The following PPP2R2B variants were observed in gnomAD, a reference collection of about 807,000 sequenced individuals.
PPP2R2B encodes the protein serine/threonine-protein phosphatase 2A 55 kDa regulatory subunit B beta isoform.
In PPP2R2B, 5 loss-of-function variants were observed where a neutral mutation model predicts 46.0. The ratio of observed to expected loss-of-function variants is 0.11; its 90% CI spans 0.06 to 0.23. The LOEUF is 0.23. PPP2R2B is among the 10% of genes least tolerant of loss of function. The pLI is 1.00. For synonymous variants in PPP2R2B, 215 were observed against 206.7 expected (o/e 1.04, Z -0.34); for missense variants, 367 against 575.0 (o/e 0.64, Z 3.70).
At chr5:146,696,808 G>T (rs1303675922) in intron 4 of PPP2R2B, among the ~76,000 whole-genome samples, 1 of 152,170 alleles carries the variant, frequency 6.6e-6, no homozygotes, top group East Asian at 1.9e-4. Flanking sequence ...AGACTTCTAT[G>T]CTGGCTTTAT....
intron 5 of PPP2R2B, among the ~76,000 whole-genome samples, chr5:146,684,541 G>C (rs939735649): frequency 1.3e-5 from 2 of 152,144 alleles, no homozygotes; most frequent in Admixed American, 1.3e-4. Context: ...TTATAAATGG[G>C]ATAATCACAT....
chr5:146,950,250 A>T (rs529721771), intron 1 of PPP2R2B, among the ~76,000 whole-genome samples: 2 of 152,108 alleles, frequency 1.3e-5, no homozygotes, highest in Non-Finnish European at 2.9e-5. Flanking sequence ...ATATACCTAC[A>T]TTTTACCTGT....
intron 2 of PPP2R2B, among the ~76,000 whole-genome samples, chr5:146,794,821 G>A (rs1391449533): frequency 2.0e-5 from 3 of 152,086 alleles, no homozygotes; most frequent in East Asian, 1.9e-4. Context: ...TTAATATGGT[G>A]CAGTTTTATT....
rs1177893768 is a variant in PPP2R2B at position 146,609,832 on chromosome 5, A to G, written c.791-9372T>C. On this transcript the variant is annotated intron_variant, in intron 7 of 9. Transcript: ENST00000394411. ...CGAGACTATATCCCACACCTGGCTC[A>G]GAGGGTCCTACGCCCACGGAATCTC... is the stretch of plus-strand genomic sequence containing the variant. 8.8e-5 allele frequency among the ~76,000 whole-genome samples: 12 copies of G among 136,968 alleles called. 1 individual carries two copies. The highest frequency in any genetic ancestry group is 3.6e-4 in the African/African-American group (12 of 33,452). 89.9% of individuals were successfully genotyped at this position (136,968 alleles called of 152,430 possible). A position where few individuals can be genotyped will look rare whatever the true frequency, so the allele number is the denominator to read the frequency against.
intron 7 of PPP2R2B, chr5:146,607,862 C>T (rs1772437748): frequency 6.6e-6 from 1 of 152,192 alleles, no homozygotes; most frequent in Non-Finnish European, 1.5e-5. Context: ...GTCTCCATTA[C>T]AACTGTTTAA....
At chr5:146,644,098 T>C (rs1332612029) in intron 6 of PPP2R2B, among the ~76,000 whole-genome samples, 1 of 152,070 alleles carries the variant, frequency 6.6e-6, no homozygotes, top group Non-Finnish European at 1.5e-5. Context: ...AGGTGAATTG[T>C]TTATTGCTAA....
intron 2 of PPP2R2B, among the ~76,000 whole-genome samples, chr5:146,802,376 G>A (rs1008497145): frequency 2.6e-5 from 4 of 152,120 alleles, no homozygotes; most frequent in African/African-American, 9.7e-5. Flanking sequence ...ATACCTGAGG[G>A]CACTGCCTGG....
chr5:147,050,883 T>C (rs1364501226), intron 1 of PPP2R2B, among the ~76,000 whole-genome samples: 2 of 152,146 alleles, frequency 1.3e-5, no homozygotes, highest in Non-Finnish European at 2.9e-5. Flanking sequence ...CACTGGAAGA[T>C]ACTTGCTTTA....
At chr5:146,727,648 A>C (rs1374077248) in intron 2 of PPP2R2B, among the ~76,000 whole-genome samples, 1 of 152,144 alleles carries the variant, frequency 6.6e-6, no homozygotes, top group East Asian at 1.9e-4. Flanking sequence ...ACACAACTGC[A>C]CTTGTACCCG....
intron 2 of PPP2R2B, among the ~76,000 whole-genome samples, chr5:146,848,772 A>T (rs1396735603): frequency 2.0e-5 from 3 of 152,172 alleles, no homozygotes; most frequent in Non-Finnish European, 4.4e-5. Context: ...AGGCTTAGGG[A>T]GCTATGCCAA....
intron 5 of PPP2R2B, among the ~76,000 whole-genome samples, chr5:146,676,381 T>C (rs549170972): frequency 6.6e-6 from 1 of 152,256 alleles, no homozygotes; most frequent in East Asian, 1.9e-4. Context: ...CACCTGCATC[T>C]TACTGGTACC....
chr5:146,692,396 T>C (rs932767207), intron 4 of PPP2R2B, among the ~76,000 whole-genome samples: 2 of 151,884 alleles, frequency 1.3e-5, no homozygotes, highest in African/African-American at 4.8e-5. Flanking sequence ...AACAGAGAAC[T>C]CCTATCCCTA....
chr5:146,633,947 T>G (rs1047662188), intron 7 of PPP2R2B, among the ~76,000 whole-genome samples: 2 of 152,232 alleles, frequency 1.3e-5, no homozygotes, highest in Non-Finnish European at 2.9e-5. Flanking sequence ...ATACATGTAT[T>G]GCAGTTGCGA....
At chr5:146,694,221 G>A (rs910230301) in intron 4 of PPP2R2B, among the ~76,000 whole-genome samples, 1 of 152,186 alleles carries the variant, frequency 6.6e-6, no homozygotes, top group Non-Finnish European at 1.5e-5. Context: ...CACTGGCAAG[G>A]CTGCTAAGTG....
chr5:146,658,826 A>T (rs1776510319), intron 5 of PPP2R2B, among the ~76,000 whole-genome samples: 1 of 152,144 alleles, frequency 6.6e-6, no homozygotes, highest in African/African-American at 2.4e-5. Flanking sequence ...AGACGCCCCC[A>T]TCCCCAGATC....
intron 1 of PPP2R2B, among the ~76,000 whole-genome samples, chr5:146,936,005 G>T (rs996406782): frequency 2.6e-5 from 4 of 152,106 alleles, no homozygotes; most frequent in Admixed American, 1.3e-4. Context: ...GAGCATATTT[G>T]TACCTGGCAG....
intron 1 of PPP2R2B, among the ~76,000 whole-genome samples, chr5:147,030,155 C>T (rs752999559): frequency 6.6e-6 from 1 of 152,166 alleles, no homozygotes; most frequent in African/African-American, 2.4e-5. Context: ...AGTCACTTGT[C>T]TTCCTTACTT....
intron 1 of PPP2R2B, among the ~76,000 whole-genome samples, chr5:146,901,820 A>G (rs568214): frequency 0.49 from 74,005 of 151,930 alleles, 19,825 homozygotes; most frequent in East Asian, 0.7. Context: ...CGGTGTGATG[A>G]GTGGTTGCAT....
intron 1 of PPP2R2B, among the ~76,000 whole-genome samples, chr5:146,950,559 C>T (rs1764621591): frequency 6.6e-6 from 1 of 152,022 alleles, no homozygotes; most frequent in Non-Finnish European, 1.5e-5. Context: ...GAGACAAGGC[C>T]AAACATCAGT....
Sources: gnomAD v4.1 joint callset for allele counts (sites outside exome capture counted in the v4.1 genomes callset) on GRCh38, gnomAD v4.1.1 for gene constraint, MANE v1.5 for transcripts, NCBI Gene and HGNC (gene_info 2026-07-23, HGNC 2026-07-21) for gene names.